The following SORCS1 variants were observed in gnomAD, a reference collection of about 807,000 sequenced individuals.
SORCS1 encodes VPS10 domain-containing receptor SorCS1.
Under a neutral mutation model 146.1 loss-of-function variants are expected in SORCS1, and 60 were observed. The observed-to-expected ratio is 0.41, with a 90% CI of 0.33 to 0.51. SORCS1 has a LOEUF of 0.51. SORCS1 is among the 20% of genes least tolerant of loss of function. The pLI, the probability that SORCS1 is intolerant of heterozygous loss-of-function variation, is 0.21. For missense variants in SORCS1, 1,352 were observed against 1,487.6 expected (o/e 0.91, Z 1.50); for synonymous variants, 637 against 584.0 (o/e 1.09, Z -1.31).
At chr10:107,149,404 T>C (rs1968587910) in intron 1 of SORCS1, among the ~76,000 whole-genome samples, 1 of 152,148 alleles carries the variant, frequency 6.6e-6, no homozygotes, top group Admixed American at 6.5e-5. Context: ...TAATCATACG[T>C]GGTAACCATC....
At chr10:107,126,195 A>T (rs1966702162) in intron 1 of SORCS1, among the ~76,000 whole-genome samples, 1 of 152,144 alleles carries the variant, frequency 6.6e-6, no homozygotes, top group Non-Finnish European at 1.5e-5. Context: ...AACCTCTTCC[A>T]AGAAAACCAA....
At chr10:106,629,760 C>T (rs1332053150) in intron 18 of SORCS1, among the ~76,000 whole-genome samples, 1 of 152,178 alleles carries the variant, frequency 6.6e-6, no homozygotes, top group Non-Finnish European at 1.5e-5. Flanking sequence ...ATTTAGCTTA[C>T]CTGGGTCAGG....
chr10:106,806,058 T>TAA, intron 3 of SORCS1, among the ~76,000 whole-genome samples: 1 of 49,946 alleles, frequency 2.0e-5, no homozygotes, highest in African/African-American at 7.8e-5. Flanking sequence ...AGACTCCGTC[T>TAA]CAAAAAAAAA....
rs1946409066 is a variant in SORCS1, at chr10:106,793,429, T to G, written c.727-16737A>C. On this transcript the variant is annotated intron_variant, in intron 3 of 25. Transcript: ENST00000263054. ...AGACTTACTTGCCAGGTAAAGCGAT[T>G]TTGACTAAAGCAACAGAACCTATTT... is the stretch of plus-strand genomic sequence containing the variant. Among the ~76,000 whole-genome samples the G allele has an allele frequency of 5.9e-5, 9 of 152,300 alleles. No homozygotes were observed. The South Asian group carries it at 1.9e-3, about 32-fold the overall frequency.
At chr10:106,801,687 G>T (rs192628233) in intron 3 of SORCS1, among the ~76,000 whole-genome samples, 2 of 151,716 alleles carry the variant, frequency 1.3e-5, no homozygotes, top group Non-Finnish European at 2.9e-5. Flanking sequence ...CCGCCACCAC[G>T]CCCGGCTAAT....
Position 107,026,880 on chromosome 10 carries a change from A to C in SORCS1, c.559-70300T>G, listed in dbSNP as rs371454846. On this transcript the variant is annotated intron_variant, in intron 1 of 25. Transcript: ENST00000263054. The stretch of plus-strand genomic sequence containing the variant: ...TCAACAAACCTGAAACCTAGCCTAC[A>C]TGTGCAATTAAATTTCTGTAAGTCA... Among the ~76,000 whole-genome samples, 3 of 151,818 alleles carry C rather than the reference A, an allele frequency of 2.0e-5. No homozygotes were observed. In the East Asian group the frequency reaches 5.8e-4, roughly 29 times the overall value.
At chr10:106,713,960 C>T (rs1455075197) in intron 6 of SORCS1, among the ~76,000 whole-genome samples, 4 of 151,388 alleles carry the variant, frequency 2.6e-5, no homozygotes, top group Non-Finnish European at 5.9e-5. Flanking sequence ...AGTGAAACTC[C>T]ATCTCTACTA....
intron 18 of SORCS1, 85 bp from the exon 19 acceptor site, chr10:106,629,473 T>G: frequency 7.0e-7 from 1 of 1,435,046 alleles, no homozygotes; most frequent in Non-Finnish European, 9.6e-7. Context: ...CTTGTCCTAG[T>G]CCCTGGCTCA....
At chr10:106,992,795 C>T (rs11193146) in intron 1 of SORCS1, among the ~76,000 whole-genome samples, 26,987 of 149,030 alleles carry the variant, frequency 0.18, 7,650 homozygotes, top group African/African-American at 0.61. Flanking sequence ...TACACCAGGC[C>T]GAGCTAATTT....
chr10:106,610,876 C>T (rs990353103), intron 22 of SORCS1, among the ~76,000 whole-genome samples: 10 of 152,026 alleles, frequency 6.6e-5, no homozygotes, highest in African/African-American at 1.4e-4. Flanking sequence ...GTCAGGAGTT[C>T]GAGACCAGCC....
intron 23 of SORCS1, among the ~76,000 whole-genome samples, chr10:106,606,274 T>C (rs5787676): frequency 0.019 from 2,691 of 138,968 alleles, 61 homozygotes; most frequent in Middle Eastern, 0.043. Context: ...CACACAGATA[T>C]ACACACACAC....
intron 2 of SORCS1, among the ~76,000 whole-genome samples, chr10:106,943,647 A>T (rs1954164992): frequency 1.7e-5 from 2 of 116,576 alleles, no homozygotes; most frequent in South Asian, 2.7e-4. Context: ...CTCTACTAAA[A>T]ATACAAAAAA....
intron 1 of SORCS1, among the ~76,000 whole-genome samples, chr10:107,111,524 C>T (rs1965698168): frequency 1.3e-5 from 2 of 151,484 alleles, no homozygotes; most frequent in Admixed American, 1.3e-4. Context: ...AAGTCCAGGA[C>T]CAAAAAGATA....
At chr10:107,163,324 C>T (rs1301396645) in intron 1 of SORCS1, among the ~76,000 whole-genome samples, 2 of 152,184 alleles carry the variant, frequency 1.3e-5, no homozygotes, top group Non-Finnish European at 2.9e-5. Context: ...CATTCACGGG[C>T]TGGAAAGCCC....
Position 107,032,003 on chromosome 10 carries a change from G to A in SORCS1, c.559-75423C>T, listed in dbSNP as rs138268541. Among the ~76,000 whole-genome samples the A allele has an allele frequency of 8.5e-5, 13 of 152,172 alleles. No individual in the cohort carries two copies. In the East Asian group the frequency reaches 1.2e-3, roughly 14 times the overall value. On this transcript the variant is annotated intron_variant, in intron 1 of 25. Transcript: ENST00000263054. ...AGAATCCCAGACATATGCACAGTCC[G>A]GCATACCAGTGGAGTGAAAAGAGTG...
At chr10:107,065,415 T>TTTTTTCTTTCTTTCTTTCTTTC (rs1554937381) in intron 1 of SORCS1, among the ~76,000 whole-genome samples, 2 of 120,396 alleles carry the variant, frequency 1.7e-5, no homozygotes, top group African/African-American at 9.1e-5. Flanking sequence ...TCTCTCTTTC[T>TTTTTTCTTTCTTTCTTTCTTTC]TTTCTTTCTT....
chr10:107,038,578 G>A (rs959171401), intron 1 of SORCS1, among the ~76,000 whole-genome samples: 5 of 152,052 alleles, frequency 3.3e-5, no homozygotes, highest in Admixed American at 2.6e-4. Flanking sequence ...GCTCTGAATC[G>A]GCTGCCTAGT....
intron 2 of SORCS1, among the ~76,000 whole-genome samples, chr10:106,868,735 C>G (rs1311465521): frequency 6.6e-6 from 1 of 152,086 alleles, no homozygotes; most frequent in Non-Finnish European, 1.5e-5. Context: ...ATGCCCACAT[C>G]AAAAACTTAG....
At chr10:106,880,489 G>A (rs1950766356) in intron 2 of SORCS1, among the ~76,000 whole-genome samples, 1 of 152,120 alleles carries the variant, frequency 6.6e-6, no homozygotes, top group Non-Finnish European at 1.5e-5. Flanking sequence ...GAAGTGGGGA[G>A]AAGGATACAG....
Sources: gnomAD v4.1 joint callset for allele counts (sites outside exome capture counted in the v4.1 genomes callset) on GRCh38, gnomAD v4.1.1 for gene constraint, MANE v1.5 for transcripts, NCBI Gene and HGNC (gene_info 2026-07-23, HGNC 2026-07-21) for gene names.